FAM20A: variants seen among roughly 807,000 people sequenced by gnomAD.
The protein encoded by FAM20A is FAM20A golgi associated secretory pathway pseudokinase, also known as pseudokinase FAM20A.
A neutral mutation model predicts 52.0 loss-of-function variants in FAM20A; 42 were observed. The observed-to-expected ratio is 0.81, with a 90% confidence interval of 0.63 to 1.04. The LOEUF (loss-of-function observed/expected upper bound fraction) is 1.04, where lower values mean the gene tolerates loss of function less well. Ranked by LOEUF, FAM20A falls within the 50% of genes least tolerant of loss-of-function variation. FAM20A has a pLI of 0.00. For synonymous variants in FAM20A, 304 were observed against 298.9 expected (o/e 1.02, Z -0.18); for missense variants, 742 against 712.7 (o/e 1.04, Z -0.47).
intron 1 of FAM20A, among the ~76,000 whole-genome samples, chr17:68,588,670 T>C (rs2088223767): frequency 6.6e-6 from 1 of 152,208 alleles, no homozygotes; most frequent in Admixed American, 6.5e-5. Flanking sequence ...TCTCTCTTCT[T>C]ATGAGGACAC....
intron 1 of FAM20A, among the ~76,000 whole-genome samples, chr17:68,586,176 A>C (rs1167235832): frequency 6.6e-6 from 1 of 152,012 alleles, no homozygotes; most frequent in African/African-American, 2.4e-5. Context: ...ATTTTTCTCA[A>C]CCATTTTATA....
intron 10 of FAM20A, among the ~76,000 whole-genome samples, chr17:68,538,288 C>G (rs2086154212): frequency 1.3e-5 from 2 of 152,214 alleles, no homozygotes; most frequent in African/African-American, 4.8e-5. Context: ...GTGTAAGCAG[C>G]TTAATTGACT....
At chr17:68,542,303 A>C in intron 6 of FAM20A, 138 bp from the exon 7 acceptor site, 2 of 991,148 alleles carry the variant, frequency 2.0e-6, no homozygotes, top group Non-Finnish European at 3.0e-6. Flanking sequence ...AGAAGGAAAC[A>C]TTGACTTTTC....
intron 1 of FAM20A, chr17:68,590,175 T>C (rs2088266059): frequency 6.6e-6 from 1 of 152,194 alleles, no homozygotes; most frequent in Admixed American, 6.5e-5. Flanking sequence ...TTGCAGAAAC[T>C]GTGAAGCACC....
intron 1 of FAM20A, among the ~76,000 whole-genome samples, chr17:68,563,574 G>A (rs774472481): frequency 6.6e-6 from 1 of 150,978 alleles, no homozygotes; most frequent in Admixed American, 6.6e-5. Context: ...GTTTTTAGGG[G>A]CTTTTTTTTT....
At chr17:68,583,077 A>G (rs1370553232) in intron 1 of FAM20A, among the ~76,000 whole-genome samples, 2 of 151,934 alleles carry the variant, frequency 1.3e-5, no homozygotes, top group African/African-American at 2.4e-5. Flanking sequence ...AAGTGCTGAG[A>G]TTAGTGCCAG....
At chr17:68,569,984 A>G (rs2087493660) in intron 1 of FAM20A, among the ~76,000 whole-genome samples, 1 of 152,142 alleles carries the variant, frequency 6.6e-6, no homozygotes, top group African/African-American at 2.4e-5. Flanking sequence ...GCTTGTGTTC[A>G]TCCACCCCAG....
At chr17:68,566,198 A>G (rs1420064687) in intron 1 of FAM20A, among the ~76,000 whole-genome samples, 1 of 152,062 alleles carries the variant, frequency 6.6e-6, no homozygotes, top group Non-Finnish European at 1.5e-5. Flanking sequence ...TAAAACTCCA[A>G]TTTCTTTTAT....
rs1568739140 is a variant in FAM20A at position 68,552,665 on chromosome 17, C to CTTTTTTTTT, written c.641-715_641-714insAAAAAAAAA. ...CTGGAGCCCTGTAAACCTTTATTTT[C>CTTTTTTTTT]CTTTTTTTTTTTTTTTTTTTTTTTT... On this transcript the variant is annotated intron_variant, in intron 3 of 10. Transcript: ENST00000592554. Among the ~76,000 whole-genome samples the CTTTTTTTTT allele has an allele frequency of 1.2e-3, 128 of 109,984 alleles. 14 individuals carry two copies. The highest frequency in any genetic ancestry group is 4.0e-3 in the African/African-American group (124 of 30,986). 72.2% of individuals were successfully genotyped at this position (109,984 alleles called of 152,430 possible).
In FAM20A at chr17:68,537,089, T is replaced by C. The variant is rs1296633388; in HGVS notation, c.*388A>G. On this transcript the variant is annotated 3_prime_UTR_variant, in exon 11 of 11. Transcript: ENST00000592554. This position sits in a 1 kb window ranked among gnomAD's most constrained non-coding sequence, Gnocchi z 4.2. The stretch of plus-strand genomic sequence containing the variant: ...TCTGGACCAGGAGTTATCTTTGACT[T>C]GTAGCTAGAATAAGGATCCTGAGAA... The C allele has an allele frequency of 2.2e-6, 1 of 463,214 alleles. No individual in the cohort carries two copies. Among genetic ancestry groups the C allele is most frequent in the Non-Finnish European group, 4.3e-6 (1 of 233,292 alleles). 28.7% of individuals were successfully genotyped at this position (463,214 alleles called of 1,614,324 possible).
intron 1 of FAM20A, among the ~76,000 whole-genome samples, chr17:68,570,239 C>A (rs1249326723): frequency 6.6e-6 from 1 of 152,112 alleles, no homozygotes; most frequent in Non-Finnish European, 1.5e-5. Flanking sequence ...CCACACCTGG[C>A]TAATTTTTGT....
At chr17:68,579,029 A>AAC (rs1341765615) in intron 1 of FAM20A, among the ~76,000 whole-genome samples, 1 of 150,950 alleles carries the variant, frequency 6.6e-6, no homozygotes, top group East Asian at 1.9e-4. Flanking sequence ...AAAAAAAAAA[A>AAC]CATGTCTAGG....
intron 3 of FAM20A, among the ~76,000 whole-genome samples, chr17:68,552,892 AG>A (rs2086909315): frequency 7.1e-6 from 1 of 140,092 alleles, no homozygotes; most frequent in Admixed American, 7.0e-5. Context: ...CCTGTTAGCC[AG>A]GATGGTCTCG....
At chr17:68,545,447 T>A (rs1269603397) in intron 4 of FAM20A, among the ~76,000 whole-genome samples, 1 of 152,218 alleles carries the variant, frequency 6.6e-6, no homozygotes, top group Non-Finnish European at 1.5e-5. Flanking sequence ...TGGAGTCCAA[T>A]AAATATGCAA....
intron 1 of FAM20A, among the ~76,000 whole-genome samples, chr17:68,565,639 C>G (rs1056116005): frequency 6.6e-6 from 1 of 152,098 alleles, no homozygotes; most frequent in African/African-American, 2.4e-5. Context: ...GGTGATCTGC[C>G]TGCCTCTGCC....
In FAM20A at chr17:68,572,158, G is replaced by A. The variant is rs1364414243; in HGVS notation, c.405-16415C>T. On this transcript the variant is annotated intron_variant, in intron 1 of 10. Coordinates refer to ENST00000592554, the MANE Select transcript of FAM20A (RefSeq NM_017565.4). ...GCTGGTCTTGGACTCCTGGGCTCAA[G>A]CCATTCACCTGCCTTGACTTCCCAA... Among the ~76,000 whole-genome samples, 6 of 151,430 alleles carry A rather than the reference G, an allele frequency of 4.0e-5. No individual in the cohort carries two copies. The East Asian group carries it at 1.2e-3, about 29-fold the overall frequency.
intron 4 of FAM20A, among the ~76,000 whole-genome samples, chr17:68,549,584 G>A (rs2143630087): frequency 6.6e-6 from 1 of 151,372 alleles, no homozygotes; most frequent in East Asian, 1.9e-4. Context: ...GATTTGTGGT[G>A]CGTTTGCAGA....
chr17:68,567,587 G>A (rs1011777221), intron 1 of FAM20A, among the ~76,000 whole-genome samples: 3 of 152,058 alleles, frequency 2.0e-5, no homozygotes, highest in South Asian at 2.1e-4. Context: ...GGAGGAAGAA[G>A]CCAGACAAAG....
In FAM20A at chr17:68,537,386, A is replaced by C; in HGVS notation, c.*91T>G. The C allele has an allele frequency of 6.6e-7, 1 of 1,505,282 alleles. No individual in the cohort carries two copies. Among genetic ancestry groups the C allele is most frequent in the East Asian group, 2.3e-5 (1 of 44,364 alleles). The allele number at this position is 1,505,282 out of a possible 1,614,324, so 93.2% of individuals were successfully genotyped here. A position where few individuals can be genotyped will look rare whatever the true frequency, so the allele number is the denominator to read the frequency against. ...CTTCCTAGCTGACTTGACTCCCAGCAGTAACAGGTGGGAGTGAGGACGCAG... is the reference window on the plus strand; with the variant it reads ...CTTCCTAGCTGACTTGACTCCCAGCCGTAACAGGTGGGAGTGAGGACGCAG... On this transcript the variant is annotated 3_prime_UTR_variant, in exon 11 of 11. Coordinates refer to ENST00000592554, the MANE Select transcript of FAM20A (RefSeq NM_017565.4). The surrounding 1 kb of genome is among the most constrained non-coding windows in gnomAD (Gnocchi z 4.2).
Sources: allele counts gnomAD v4.1 joint callset (sites outside exome capture counted in the v4.1 genomes callset), GRCh38; gene constraint gnomAD v4.1.1; non-coding constraint Gnocchi (gnomAD v3.1); transcripts MANE v1.5; gene names NCBI Gene and HGNC (gene_info 2026-07-23, HGNC 2026-07-21).